TCF12: variants seen among roughly 807,000 people sequenced by gnomAD.
The protein encoded by TCF12 is transcription factor 12.
TCF12 carries 45 observed loss-of-function variants against 86.0 expected under a neutral mutation model. The observed-to-expected ratio is 0.52, with a 90% CI of 0.41 to 0.67. The LOEUF (loss-of-function observed/expected upper bound fraction) is 0.67. Among genes scored for constraint, TCF12 ranks in the 30% least tolerant of loss-of-function variants. The pLI, the probability that TCF12 is intolerant of heterozygous loss-of-function variation, is 0.00. For synonymous variants in TCF12, 330 were observed against 299.6 expected (o/e 1.10, Z -1.05); for missense variants, 881 against 859.9 (o/e 1.02, Z -0.31).
At chr15:57,250,570 A>G (rs562520043) in intron 13 of TCF12, among the ~76,000 whole-genome samples, 7 of 152,102 alleles carry the variant, frequency 4.6e-5, no homozygotes, top group African/African-American at 9.7e-5. Flanking sequence ...CTCTACTGCA[A>G]ATACAAAAAT....
At chr15:57,091,739 C>T (rs773845586) in intron 4 of TCF12, 50 bp from the exon 5 acceptor site, 14 of 1,379,642 alleles carry the variant, frequency 1.0e-5, no homozygotes, top group African/African-American at 1.4e-5. Flanking sequence ...GCTCAATTAG[C>T]GGGACTGCCA....
chr15:56,967,395 G>T (rs1002968742), intron 3 of TCF12, among the ~76,000 whole-genome samples: 6 of 151,908 alleles, frequency 3.9e-5, no homozygotes, highest in Non-Finnish European at 8.8e-5. Flanking sequence ...GACATTTTTT[G>T]GTATTGGATG....
At chr15:56,989,195 A>T (rs1325333274) in intron 3 of TCF12, among the ~76,000 whole-genome samples, 1 of 152,274 alleles carries the variant, frequency 6.6e-6, no homozygotes, top group South Asian at 2.1e-4. Flanking sequence ...AGATTTTAAC[A>T]TTAGAAAAAA....
At chr15:56,919,552 C>T (rs1054479528) in intron 1 of TCF12, 1 of 183,752 alleles carries the variant, frequency 5.4e-6, no homozygotes, top group Non-Finnish European at 1.1e-5. Context: ...ACCCCAGCCG[C>T]GGCCGGGCCC....
At chr15:57,005,936 C>T (rs1173212832) in intron 3 of TCF12, among the ~76,000 whole-genome samples, 1 of 152,112 alleles carries the variant, frequency 6.6e-6, no homozygotes, top group Non-Finnish European at 1.5e-5. Flanking sequence ...AGTCCGCTGC[C>T]CTTCAGTGGA....
At chr15:57,081,847 G>A (rs2048337264) in intron 4 of TCF12, among the ~76,000 whole-genome samples, 1 of 152,120 alleles carries the variant, frequency 6.6e-6, no homozygotes, top group African/African-American at 2.4e-5. Context: ...GAGATTATAG[G>A]CAAAAGCCAC....
intron 5 of TCF12, among the ~76,000 whole-genome samples, chr15:57,164,257 A>G (rs1246343105): frequency 6.6e-6 from 1 of 152,200 alleles, no homozygotes; most frequent in East Asian, 1.9e-4. Context: ...CTTGGCCATG[A>G]AAGTTTTGAA....
chr15:57,213,465 T>G (rs1436902343), intron 8 of TCF12, among the ~76,000 whole-genome samples: 1 of 152,214 alleles, frequency 6.6e-6, no homozygotes. Context: ...GCAAGAATTT[T>G]TACTGAAACA....
At chr15:57,143,713 C>T (rs1477661493) in intron 5 of TCF12, among the ~76,000 whole-genome samples, 3 of 152,114 alleles carry the variant, frequency 2.0e-5, no homozygotes, top group Non-Finnish European at 4.4e-5. Flanking sequence ...TACCCAGAGA[C>T]GAGTTACTCA....
intron 5 of TCF12, among the ~76,000 whole-genome samples, chr15:57,104,077 T>A (rs547609511): frequency 6.6e-6 from 1 of 152,212 alleles, no homozygotes; most frequent in South Asian, 2.1e-4. Context: ...TATTTCATAG[T>A]GGAAAGGCAG....
chr15:57,246,227 G>T (rs2059852575), intron 13 of TCF12, among the ~76,000 whole-genome samples: 2 of 152,092 alleles, frequency 1.3e-5, no homozygotes, highest in South Asian at 2.1e-4. Flanking sequence ...AGATACACAG[G>T]TGCAGAGCCA....
At chr15:57,185,771 A>G (rs1177297311) in intron 6 of TCF12, among the ~76,000 whole-genome samples, 1 of 152,102 alleles carries the variant, frequency 6.6e-6, no homozygotes, top group Admixed American at 6.5e-5. Context: ...AGTCCCAGCC[A>G]CTCAGGAGAC....
intron 5 of TCF12, among the ~76,000 whole-genome samples, chr15:57,097,782 C>G (rs536411113): frequency 2.6e-5 from 4 of 151,830 alleles, no homozygotes; most frequent in Non-Finnish European, 5.9e-5. Context: ...ATGTTGGCAC[C>G]AAGAGAAACT....
chr15:57,197,823 T>C lies in TCF12; in HGVS notation c.577T>C (p.Ser193Pro). 1 of 1,614,022 alleles carries C rather than the reference T, an allele frequency of 6.2e-7. No individual in the cohort carries two copies. Among genetic ancestry groups the C allele is most frequent in the East Asian group, 2.2e-5 (1 of 44,868 alleles). The stretch of plus-strand genomic sequence containing the variant: ...AAAGGTGCCTCCTGGTTTGCCTTCT[T>C]CTGTAAGTACCTATCTTTTTTTAAC... ...VRKVPPGLPS[S>P]VYAPSPNSDD... Residue 193 changes from serine to proline, a missense_variant and splice_region_variant, in exon 8 of 21, where the codon TCT (serine) becomes CCT (proline). Physicochemically the swap from Ser to Pro is moderately conservative, Grantham distance 74. Transcript: ENST00000333725.
At chr15:57,057,233 G>C (rs1242637252) in intron 3 of TCF12, among the ~76,000 whole-genome samples, 1 of 152,136 alleles carries the variant, frequency 6.6e-6, no homozygotes, top group Non-Finnish European at 1.5e-5. Context: ...AAAAATTTGG[G>C]ACCTCTCTTT....
At chr15:57,110,755 A>C (rs574837175) in intron 5 of TCF12, among the ~76,000 whole-genome samples, 2 of 152,248 alleles carry the variant, frequency 1.3e-5, no homozygotes, top group Non-Finnish European at 2.9e-5. Context: ...AAACGGACTT[A>C]GTTCATCTCA....
intron 3 of TCF12, among the ~76,000 whole-genome samples, chr15:57,001,622 G>A (rs2064041651): frequency 6.6e-6 from 1 of 152,124 alleles, no homozygotes; most frequent in Admixed American, 6.5e-5. Flanking sequence ...CCTGTCTAGG[G>A]ATGTCTCACA....
chr15:57,001,333 G>A (rs2064023541), intron 3 of TCF12: 1 of 179,862 alleles, frequency 5.6e-6, no homozygotes, highest in African/African-American at 2.4e-5. Flanking sequence ...TCCACAAATT[G>A]TATTATTTTT....
At chr15:56,949,035 A>G (rs1281686016) in intron 3 of TCF12, among the ~76,000 whole-genome samples, 3 of 152,224 alleles carry the variant, frequency 2.0e-5, no homozygotes, top group Non-Finnish European at 4.4e-5. Flanking sequence ...ATGACTTCCA[A>G]GAAAGGTCAC....
Sources: allele counts gnomAD v4.1 joint callset (sites outside exome capture counted in the v4.1 genomes callset), GRCh38; gene constraint gnomAD v4.1.1; transcripts MANE v1.5; gene names NCBI Gene and HGNC (gene_info 2026-07-23, HGNC 2026-07-21).